The following NAALADL2 variants were observed in gnomAD, a reference collection of about 807,000 sequenced individuals.
NAALADL2 encodes N-acetylated alpha-linked acidic dipeptidase like 2, also known as inactive N-acetylated-alpha-linked acidic dipeptidase-like protein 2.
NAALADL2 carries 76 observed loss-of-function variants against 87.2 expected under a neutral mutation model. The ratio of observed to expected loss-of-function variants is 0.87; its 90% CI spans 0.72 to 1.05. The LOEUF (loss-of-function observed/expected upper bound fraction) is 1.05, where lower values mean the gene tolerates loss of function less well. Ranked by LOEUF, NAALADL2 falls within the 50% of genes least tolerant of loss-of-function variation. NAALADL2 has a pLI of 0.00. For synonymous variants in NAALADL2, 354 were observed against 331.0 expected (o/e 1.07, Z -0.75); for missense variants, 1,089 against 945.8 (o/e 1.15, Z -1.99).
rs570547796 is a variant in NAALADL2 at position 175,700,601 on chromosome 3, T to G, written c.1897-36705T>G. On this transcript the variant is annotated intron_variant, in intron 11 of 13. Transcript: ENST00000454872. Reference sequence around the variant, plus strand: ...AAGCAAGAGCTTTTACTACCTGAAGTTGCTTACAGGAGGCTGTATGAAAAT... The same window carrying G: ...AAGCAAGAGCTTTTACTACCTGAAGGTGCTTACAGGAGGCTGTATGAAAAT... Among the ~76,000 whole-genome samples, 2 of 152,220 alleles carry G rather than the reference T, an allele frequency of 1.3e-5. 1 individual carries two copies. The highest frequency in any genetic ancestry group is 3.9e-4 in the East Asian group (2 of 5,180).
At chr3:174,681,713 C>G (rs1560140661) in intron 2 of NAALADL2, among the ~76,000 whole-genome samples, 1 of 152,178 alleles carries the variant, frequency 6.6e-6, no homozygotes, top group Non-Finnish European at 1.5e-5. Flanking sequence ...TGACCTACAA[C>G]TTTTCCAGTG....
intron 2 of NAALADL2, among the ~76,000 whole-genome samples, chr3:174,696,606 A>T (rs200612950): frequency 6.7e-6 from 1 of 150,148 alleles, no homozygotes; most frequent in African/African-American, 2.4e-5. Context: ...AAAAAAAAAA[A>T]AAAAAAAAAA....
At chr3:175,799,137 A>T (rs946646238) in intron 13 of NAALADL2, among the ~76,000 whole-genome samples, 2 of 152,094 alleles carry the variant, frequency 1.3e-5, no homozygotes, top group African/African-American at 2.4e-5. Context: ...CAATTTTAAA[A>T]ATATCGATTG....
chr3:174,493,958 C>A (rs984720734), intron 1 of NAALADL2, among the ~76,000 whole-genome samples: 8 of 152,122 alleles, frequency 5.3e-5, no homozygotes, highest in African/African-American at 1.9e-4. Flanking sequence ...ATCAAACAGT[C>A]AACTTCATAT....
chr3:174,523,966 A>C (rs1016346964), intron 1 of NAALADL2, among the ~76,000 whole-genome samples: 2 of 152,110 alleles, frequency 1.3e-5, no homozygotes, highest in African/African-American at 4.8e-5. Flanking sequence ...AAAATTAGAA[A>C]ATTAAAACAA....
chr3:175,402,114 A>T (rs530362332), intron 5 of NAALADL2, among the ~76,000 whole-genome samples: 118 of 152,194 alleles, frequency 7.8e-4, no homozygotes, highest in Non-Finnish European at 1.2e-3. Context: ...ATAAATTTAA[A>T]TTTTTCAGGT....
intron 2 of NAALADL2, among the ~76,000 whole-genome samples, chr3:174,705,474 G>T (rs186930549): frequency 6.6e-6 from 1 of 152,098 alleles, no homozygotes; most frequent in Non-Finnish European, 1.5e-5. Context: ...ACCCATGAAA[G>T]AAATATTCCT....
chr3:175,643,594 T>G (rs545967441), intron 11 of NAALADL2, among the ~76,000 whole-genome samples: 2 of 152,170 alleles, frequency 1.3e-5, no homozygotes, highest in Admixed American at 1.3e-4. Flanking sequence ...GTAACTGAGC[T>G]GAAGTTTTAA....
intron 5 of NAALADL2, among the ~76,000 whole-genome samples, chr3:175,358,018 T>G (rs1349292450): frequency 6.6e-6 from 1 of 152,170 alleles, no homozygotes; most frequent in Non-Finnish European, 1.5e-5. Context: ...GTTTATGGAA[T>G]TATCAAATGT....
Position 175,452,453 on chromosome 3 carries a change from A to T in NAALADL2, c.1234+5081A>T, listed in dbSNP as rs78012416. Among the ~76,000 whole-genome samples the T allele has an allele frequency of 9.2e-3, 1,400 of 152,324 alleles. 21 individuals are homozygous for T. Among genetic ancestry groups the T allele is most frequent in the African/African-American group, 0.032 (1,341 of 41,574 alleles). On this transcript the variant is annotated intron_variant, in intron 6 of 13. Transcript: ENST00000454872. ...GAAAACTAAAAACTTGTTTTTGAGC[A>T]GAGTGGGCTTTAATAATATTGATTA...
chr3:175,378,538 C>T (rs1483063322), intron 5 of NAALADL2, among the ~76,000 whole-genome samples: 1 of 152,220 alleles, frequency 6.6e-6, no homozygotes, highest in African/African-American at 2.4e-5. Context: ...AGTGCATGCA[C>T]AGCTTAGATT....
intron 3 of NAALADL2, among the ~76,000 whole-genome samples, chr3:174,778,719 A>C (rs533595798): frequency 6.6e-6 from 1 of 152,176 alleles, no homozygotes; most frequent in African/African-American, 2.4e-5. Context: ...CTGAGTGAGA[A>C]TATGTAGTGT....
intron 3 of NAALADL2, among the ~76,000 whole-genome samples, chr3:174,745,031 A>G (rs937824329): frequency 6.6e-6 from 1 of 152,138 alleles, no homozygotes; most frequent in Non-Finnish European, 1.5e-5. Context: ...CATCACAACT[A>G]AAAGAACTAG....
At chr3:174,658,520 T>G (rs1012673159) in intron 2 of NAALADL2, among the ~76,000 whole-genome samples, 43 of 152,132 alleles carry the variant, frequency 2.8e-4, no homozygotes, top group African/African-American at 8.9e-4. Flanking sequence ...TAAGTATTTT[T>G]CCAGACATGT....
At chr3:174,585,064 A>G (rs955883064) in intron 2 of NAALADL2, among the ~76,000 whole-genome samples, 2 of 152,180 alleles carry the variant, frequency 1.3e-5, no homozygotes, top group Non-Finnish European at 2.9e-5. Context: ...TGTATATATA[A>G]GAATAACACA....
chr3:174,653,454 C>T (rs753408945), intron 2 of NAALADL2, among the ~76,000 whole-genome samples: 1 of 152,060 alleles, frequency 6.6e-6, no homozygotes, highest in African/African-American at 2.4e-5. Flanking sequence ...GGAATAAATG[C>T]AAAGATTTCT....
intron 2 of NAALADL2, among the ~76,000 whole-genome samples, chr3:174,555,994 TGTGTGTGTGTGTGTGCGC>T (rs1336558287): frequency 1.5e-5 from 2 of 137,172 alleles, no homozygotes; most frequent in African/African-American, 2.9e-5. Context: ...TGTGTGTGTG[TGTGTGTGTGTGTGTGCGC>T]GCACGTGAGT....
In NAALADL2 at chr3:175,177,070, CA is replaced by C. The variant is rs559331397; in HGVS notation, c.546-56860del. Among the ~76,000 whole-genome samples the C allele has an allele frequency of 5.4e-4, 82 of 152,110 alleles. No homozygotes were observed. The East Asian group carries it at 8.7e-3, about 16-fold the overall frequency. On this transcript the variant is annotated intron_variant, in intron 2 of 13. Coordinates refer to ENST00000454872, the MANE Select transcript of NAALADL2 (RefSeq NM_207015.3). ...AGATTAAGTTTGTCTCTGGAGTTCC[CA>C]CTTCTTTTGGACATTTTCTAGTAAG...
At chr3:174,842,834 C>T (rs1724174840) in intron 3 of NAALADL2, among the ~76,000 whole-genome samples, 1 of 151,862 alleles carries the variant, frequency 6.6e-6, no homozygotes, top group Admixed American at 6.6e-5. Context: ...TCATATAGCT[C>T]CTTGGCTTAT....
Sources: allele counts gnomAD v4.1 joint callset (sites outside exome capture counted in the v4.1 genomes callset), GRCh38; gene constraint gnomAD v4.1.1; transcripts MANE v1.5; gene names NCBI Gene and HGNC (gene_info 2026-07-23, HGNC 2026-07-21).